GABBR2: variants seen among roughly 807,000 people sequenced by gnomAD.
The protein encoded by GABBR2 is G-protein coupled receptor 51.
A neutral mutation model predicts 105.6 loss-of-function variants in GABBR2; 23 were observed. The observed-to-expected ratio is 0.22, with a 90% CI of 0.16 to 0.31. The LOEUF (loss-of-function observed/expected upper bound fraction) is 0.31. Among genes scored for constraint, GABBR2 ranks in the 10% least tolerant of loss-of-function variants. GABBR2 has a pLI of 1.00. For missense variants in GABBR2, 734 were observed against 1,245.5 expected, an observed-to-expected ratio of 0.59 and a Z score of 6.18; for synonymous variants, 478 against 499.7, an observed-to-expected ratio of 0.96 and a Z score of 0.58.
chr9:98,325,125 C>A (rs780079028), intron 13 of GABBR2, among the ~76,000 whole-genome samples: 4 of 152,104 alleles, frequency 2.6e-5, no homozygotes, highest in African/African-American at 4.8e-5. Flanking sequence ...GAGACACTCA[C>A]TACCTCCTAA....
chr9:98,444,892 C>G (rs1226964651), intron 7 of GABBR2, among the ~76,000 whole-genome samples: 2 of 152,188 alleles, frequency 1.3e-5, no homozygotes, highest in Admixed American at 1.3e-4. Flanking sequence ...CACACACACA[C>G]ACACACACGC....
intron 6 of GABBR2, among the ~76,000 whole-genome samples, chr9:98,465,199 G>GA (rs201270731): frequency 0.026 from 3,691 of 141,508 alleles, 81 homozygotes; most frequent in Non-Finnish European, 0.04. Flanking sequence ...TACGTGATGT[G>GA]AAAAAAAAAG....
At chr9:98,556,452 A>G (rs1480947183) in intron 2 of GABBR2, among the ~76,000 whole-genome samples, 2 of 152,192 alleles carry the variant, frequency 1.3e-5, no homozygotes, top group Non-Finnish European at 2.9e-5. Context: ...AATGTGCTTC[A>G]TGGTCAGTCC....
At chr9:98,613,636 A>T (rs560384908) in intron 1 of GABBR2, among the ~76,000 whole-genome samples, 3 of 152,256 alleles carry the variant, frequency 2.0e-5, no homozygotes, top group African/African-American at 7.2e-5. Flanking sequence ...TCTCTTCAGT[A>T]ACAAGAGACC....
At chr9:98,439,868 A>G (rs1425687097) in intron 7 of GABBR2, among the ~76,000 whole-genome samples, 2 of 152,134 alleles carry the variant, frequency 1.3e-5, no homozygotes, top group Non-Finnish European at 2.9e-5. Flanking sequence ...GGCACTCAAC[A>G]TGTATAAACC....
intron 8 of GABBR2, 123 bp downstream of exon 8, chr9:98,405,958 G>T: frequency 1.5e-6 from 1 of 668,340 alleles, no homozygotes; most frequent in South Asian, 1.7e-5. Context: ...GTTTTCAATT[G>T]GCTCTGCTTT....
At chr9:98,512,634 A>G (rs1212925085) in intron 3 of GABBR2, among the ~76,000 whole-genome samples, 4 of 152,214 alleles carry the variant, frequency 2.6e-5, no homozygotes, top group African/African-American at 9.6e-5. Context: ...GAGCCAAATC[A>G]TGAGTGAATT....
At chr9:98,421,439 A>G (rs1832781189) in intron 7 of GABBR2, among the ~76,000 whole-genome samples, 2 of 152,228 alleles carry the variant, frequency 1.3e-5, no homozygotes, top group South Asian at 4.1e-4. Context: ...CTCATTCAGG[A>G]ATAAAATTAA....
intron 13 of GABBR2, among the ~76,000 whole-genome samples, chr9:98,322,502 C>T (rs943836328): frequency 1.3e-5 from 2 of 152,032 alleles, no homozygotes; most frequent in African/African-American, 2.4e-5. Context: ...TGATCATCCG[C>T]GCCGTGCTAA....
At chr9:98,547,386 TAATA>T (rs1456128714) in intron 2 of GABBR2, among the ~76,000 whole-genome samples, 2 of 117,512 alleles carry the variant, frequency 1.7e-5, no homozygotes, top group African/African-American at 2.7e-5. Flanking sequence ...ATATTATACA[TAATA>T]AATATAGCAT....
chr9:98,381,610 G>A (rs953501321), intron 11 of GABBR2, among the ~76,000 whole-genome samples: 1 of 152,156 alleles, frequency 6.6e-6, no homozygotes, highest in Non-Finnish European at 1.5e-5. Flanking sequence ...GTGCTGACCC[G>A]ATTCAGTCCG....
At position 98,343,813 on chromosome 9, in the gene GABBR2, G is replaced by GC. The variant is rs548360213; in HGVS notation, c.1893+18901dup. ...GTGGAGCTTGCAGTGAGCCGAGATT[G>GC]CCCCACTGCACTCCAGCCTGGGTGA... On this transcript the variant is annotated intron_variant, in intron 13 of 18. Coordinates refer to ENST00000259455, the MANE Select transcript of GABBR2 (RefSeq NM_005458.8). Among the ~76,000 whole-genome samples the GC allele has an allele frequency of 4.4e-3, 668 of 152,028 alleles. 5 individuals are homozygous for GC. The highest frequency in any genetic ancestry group is 0.015 in the African/African-American group (616 of 41,450).
At chr9:98,656,532 T>A (rs966767757) in intron 1 of GABBR2, among the ~76,000 whole-genome samples, 1 of 152,246 alleles carries the variant, frequency 6.6e-6, no homozygotes, top group African/African-American at 2.4e-5. Context: ...AAACTCATTT[T>A]AAAACCTTCC....
intron 13 of GABBR2, among the ~76,000 whole-genome samples, chr9:98,354,728 T>A (rs138742953): frequency 6.6e-5 from 10 of 152,360 alleles, no homozygotes; most frequent in African/African-American, 2.4e-4. Context: ...CTTAAGGGAA[T>A]GTTGTGGCTG....
At chr9:98,536,491 T>C (rs924910064) in intron 3 of GABBR2, among the ~76,000 whole-genome samples, 2 of 152,270 alleles carry the variant, frequency 1.3e-5, no homozygotes, top group South Asian at 4.1e-4. Context: ...CAAATGTCTC[T>C]GCCTCCCTCT....
chr9:98,365,336 C>T (rs1196123682), intron 12 of GABBR2, among the ~76,000 whole-genome samples: 2 of 152,162 alleles, frequency 1.3e-5, no homozygotes, highest in Non-Finnish European at 2.9e-5. Flanking sequence ...GCTACCATTA[C>T]CTGGGTTTTG....
At chr9:98,460,678 A>G (rs1173113101) in intron 6 of GABBR2, among the ~76,000 whole-genome samples, 1 of 152,154 alleles carries the variant, frequency 6.6e-6, no homozygotes. Context: ...AAAGTATAAT[A>G]TATGTATAAT....
chr9:98,663,185 C>T (rs1263527219), intron 1 of GABBR2, among the ~76,000 whole-genome samples: 2 of 148,712 alleles, frequency 1.3e-5, no homozygotes, highest in African/African-American at 2.5e-5. Flanking sequence ...AATCACAAAG[C>T]TCATGGAAGT....
At chr9:98,611,855 G>T (rs957569795) in intron 1 of GABBR2, among the ~76,000 whole-genome samples, 2 of 152,138 alleles carry the variant, frequency 1.3e-5, no homozygotes, top group African/African-American at 2.4e-5. Context: ...TGCGCCCAAG[G>T]AGTGAATGAA....
Sources: gnomAD v4.1 joint callset for allele counts (sites outside exome capture counted in the v4.1 genomes callset) on GRCh38, gnomAD v4.1.1 for gene constraint, MANE v1.5 for transcripts, NCBI Gene and HGNC (gene_info 2026-07-23, HGNC 2026-07-21) for gene names.